The following HFM1 variants were observed in gnomAD, a reference collection of about 807,000 sequenced individuals.
HFM1 encodes probable ATP-dependent DNA helicase HFM1.
HFM1 carries 169 observed loss-of-function variants against 192.1 expected under a neutral mutation model. The observed-to-expected ratio is 0.88, with a 90% CI of 0.78 to 1.00. HFM1 has a LOEUF of 1.00. HFM1 is among the 50% of genes least tolerant of loss of function. HFM1 has a pLI of 0.00. For missense variants in HFM1, 1,661 were observed against 1,668.0 expected (o/e 1.00, Z 0.07); for synonymous variants, 525 against 537.8 (o/e 0.98, Z 0.33).
At chr1:91,262,653 G>T in intron 36 of HFM1, 61 bp from the exon 37 acceptor site, 1 of 966,908 alleles carries the variant, frequency 1.0e-6, no homozygotes, top group Non-Finnish European at 1.6e-6. Flanking sequence ...TTTTAATTTG[G>T]ATCATAATGA....
At chr1:91,299,191 G>C (rs1297752901) in intron 30 of HFM1, among the ~76,000 whole-genome samples, 1 of 151,434 alleles carries the variant, frequency 6.6e-6, no homozygotes, top group Non-Finnish European at 1.5e-5. Flanking sequence ...AGACACAAAG[G>C]CCATTATAAT....
At chr1:91,362,892 T>A (rs1436869572) in intron 13 of HFM1, among the ~76,000 whole-genome samples, 1 of 152,048 alleles carries the variant, frequency 6.6e-6, no homozygotes, top group Non-Finnish European at 1.5e-5. Flanking sequence ...AAACATCTGA[T>A]CTTCAACAAA....
At chr1:91,280,242 C>T (rs930085524) in intron 30 of HFM1, among the ~76,000 whole-genome samples, 1 of 151,972 alleles carries the variant, frequency 6.6e-6, no homozygotes, top group East Asian at 1.9e-4. Context: ...GTTAAGAAGG[C>T]AAAGAAGGAG....
chr1:91,280,486 A>G (rs533630854), intron 30 of HFM1, among the ~76,000 whole-genome samples: 1 of 152,232 alleles, frequency 6.6e-6, no homozygotes, highest in Non-Finnish European at 1.5e-5. Flanking sequence ...GGTAAGACTC[A>G]ACTGTTGGCA....
chr1:91,338,611 C>T (rs1437875873), intron 20 of HFM1, among the ~76,000 whole-genome samples: 6 of 152,196 alleles, frequency 3.9e-5, no homozygotes, highest in Non-Finnish European at 8.8e-5. Flanking sequence ...TCTGCAGCCT[C>T]CCCCAACCAC....
At chr1:91,304,195 T>C (rs1649279031) in intron 30 of HFM1, among the ~76,000 whole-genome samples, 1 of 152,118 alleles carries the variant, frequency 6.6e-6, no homozygotes, top group African/African-American at 2.4e-5. Flanking sequence ...TTTTTACTGT[T>C]GAAGTGTAAG....
intron 19 of HFM1, among the ~76,000 whole-genome samples, 199 bp downstream of exon 19, chr1:91,347,230 T>G (rs1227205481): frequency 6.6e-6 from 1 of 152,226 alleles, no homozygotes; most frequent in Non-Finnish European, 1.5e-5. Context: ...GATATTCTGA[T>G]AGAATAAATT....
chr1:91,275,147 C>T (rs1473530294), intron 32 of HFM1, among the ~76,000 whole-genome samples: 1 of 152,074 alleles, frequency 6.6e-6, no homozygotes, highest in Non-Finnish European at 1.5e-5. Flanking sequence ...CCATGCCTGG[C>T]TAATTTTTGT....
intron 35 of HFM1, among the ~76,000 whole-genome samples, chr1:91,266,700 G>A (rs1018845667): frequency 6.6e-6 from 1 of 152,170 alleles, no homozygotes; most frequent in African/African-American, 2.4e-5. Context: ...TGACAAAGCT[G>A]TGCCGTCTTA....
At chr1:91,392,042 A>G (rs1369556178) in intron 4 of HFM1, among the ~76,000 whole-genome samples, 2 of 152,188 alleles carry the variant, frequency 1.3e-5, no homozygotes, top group East Asian at 3.8e-4. Context: ...CAAAACCACA[A>G]TGAGATACCA....
intron 4 of HFM1, among the ~76,000 whole-genome samples, chr1:91,387,658 T>C (rs1458707531): frequency 6.8e-6 from 1 of 146,522 alleles, no homozygotes; most frequent in African/African-American, 2.5e-5. Flanking sequence ...CAGTAAACTA[T>C]CGCAAGAACA....
rs761198979 is a variant in HFM1 at position 91,273,784 on chromosome 1, T to C, written c.3700A>G (p.Ile1234Val). ...TCAGGCTGATCCCACTGCTCCATTA[T>C]AGGCAATTCAGATATGTTTAAATAT... ...SEYLNISELP[I>V]MEQWDQPEIY... is the part of the protein sequence containing the mutation. The change falls in exon 34 of 39, where the codon ATA becomes GTA. Residue 1234 changes from isoleucine (I) to valine (V), a missense_variant. Coordinates refer to ENST00000370425, the MANE Select transcript of HFM1 (RefSeq NM_001017975.6). 6.3e-6 allele frequency: 10 copies of C among 1,594,968 alleles called. No individual in the cohort carries two copies. The highest frequency in any genetic ancestry group is 8.6e-6 in the Non-Finnish European group (10 of 1,164,280).
At chr1:91,378,619 A>C (rs1173703574) in intron 9 of HFM1, 139 bp from the exon 10 acceptor site, 1 of 454,976 alleles carries the variant, frequency 2.2e-6, no homozygotes, top group Non-Finnish European at 3.9e-6. Flanking sequence ...TATTCTGAAA[A>C]ATATTTTAAA....
intron 30 of HFM1, among the ~76,000 whole-genome samples, chr1:91,285,553 T>C (rs1667884057): frequency 6.6e-6 from 1 of 151,946 alleles, no homozygotes; most frequent in South Asian, 2.1e-4. Flanking sequence ...TAAGAAAGAG[T>C]GTATGTATGT....
Position 91,261,204 on chromosome 1 carries a change from G to A in HFM1, c.*86C>T. On this transcript the variant is annotated 3_prime_UTR_variant, in exon 39 of 39. Transcript: ENST00000370425. ...AGGAGAAAAAAATCCGAACAATTATGAACTACTTTTTAAAAATAAAAAGCA... is the reference window on the plus strand; with the variant it reads ...AGGAGAAAAAAATCCGAACAATTATAAACTACTTTTTAAAAATAAAAAGCA... 1.8e-6 allele frequency: 1 copy of A among 550,086 alleles called. No individual in the cohort carries two copies. Among genetic ancestry groups the A allele is most frequent in the Non-Finnish European group, 2.9e-6 (1 of 344,706 alleles). 34.1% of individuals were successfully genotyped at this position (550,086 alleles called of 1,614,324 possible).
rs1438364391 is a variant in HFM1 at position 91,394,185 on chromosome 1, A to T, written c.402T>A (p.Thr134=). 7 of 1,604,234 alleles carry T rather than the reference A, an allele frequency of 4.4e-6. No individual in the cohort carries two copies. Among genetic ancestry groups the T allele is most frequent in the Non-Finnish European group, 5.1e-6 (6 of 1,171,240 alleles). ...ASQKYKNHIG[T]EIAPEKSVPD... The stretch of plus-strand genomic sequence containing the variant: ...GAACACTCTTCTCAGGTGCTATCTC[A>T]GTGCCAATGTGATTTTTATATTTCT... The change falls in exon 4 of 39, where the codon ACT becomes ACA. Residue 134 remains threonine (T), a synonymous_variant. Transcript: ENST00000370425.
rs147225100 is a variant in HFM1, at chr1:91,364,925, G to A, written c.1685+10433C>T. On this transcript the variant is annotated intron_variant, in intron 13 of 38. Coordinates refer to ENST00000370425, the MANE Select transcript of HFM1 (RefSeq NM_001017975.6). ...TGGGACTACAGGCGTGAGCCACCGC[G>A]CCTGGTGTGTATATATATATAACAT... 5.5e-3 allele frequency among the ~76,000 whole-genome samples: 841 copies of A among 151,732 alleles called. 4 individuals carry two copies. Among genetic ancestry groups the A allele is most frequent in the African/African-American group, 0.019 (806 of 41,362 alleles).
intron 20 of HFM1, chr1:91,328,306 A>T: frequency 7.4e-7 from 1 of 1,345,544 alleles, no homozygotes; most frequent in Non-Finnish European, 1.0e-6. Flanking sequence ...CCGCCTGCCC[A>T]GGGCAACCCT....
At chr1:91,303,126 A>G (rs1649090344) in intron 30 of HFM1, among the ~76,000 whole-genome samples, 1 of 152,184 alleles carries the variant, frequency 6.6e-6, no homozygotes, top group South Asian at 2.1e-4. Context: ...GAACACTGTC[A>G]TCACCATACA....
Sources: gnomAD v4.1 joint callset for allele counts (sites outside exome capture counted in the v4.1 genomes callset) on GRCh38, gnomAD v4.1.1 for gene constraint, MANE v1.5 for transcripts, NCBI Gene and HGNC (gene_info 2026-07-23, HGNC 2026-07-21) for gene names.